TUSC3: variants seen among roughly 807,000 people sequenced by gnomAD.
TUSC3 encodes the protein tumor suppressor candidate 3.
Under a neutral mutation model 44.8 loss-of-function variants are expected in TUSC3, and 45 were observed. That is an observed-to-expected ratio of 1.00 (90% confidence interval 0.79 to 1.29). TUSC3 has a LOEUF of 1.29. Among genes scored for constraint, TUSC3 ranks in the 50% most tolerant of loss-of-function variants. The pLI is 0.00. For missense variants in TUSC3, 519 were observed against 437.9 expected, an observed-to-expected ratio of 1.19 and a Z score of -1.65; for synonymous variants, 212 against 152.9, an observed-to-expected ratio of 1.39 and a Z score of -2.85.
the TUSC3 span, among the ~76,000 whole-genome samples, chr8:15,834,438 G>A: frequency 6.6e-6 from 1 of 152,006 alleles, no homozygotes; most frequent in Non-Finnish European, 1.5e-5. Context: ...TGCCTCCGTG[G>A]GAAGGTGTCT....
At chr8:15,692,276 A>C (rs1463781241) in intron 6 of TUSC3, among the ~76,000 whole-genome samples, 1 of 145,356 alleles carries the variant, frequency 6.9e-6, no homozygotes, top group African/African-American at 2.6e-5. Flanking sequence ...ATATTGGCCT[A>C]CTGTTTTCTT....
At chr8:15,846,669 T>C in the TUSC3 span, among the ~76,000 whole-genome samples, 46 of 151,672 alleles carry the variant, frequency 3.0e-4, no homozygotes, top group African/African-American at 1.1e-3. Flanking sequence ...AGTTGAACAA[T>C]GAGAACACAT....
At chr8:15,530,077 G>T (rs1403417448) in intron 2 of TUSC3, among the ~76,000 whole-genome samples, 1 of 134,790 alleles carries the variant, frequency 7.4e-6, no homozygotes, top group African/African-American at 3.2e-5. Context: ...GAGCCACCGC[G>T]CCCGGCCGAA....
At chr8:15,832,762 G>T in the TUSC3 span, among the ~76,000 whole-genome samples, 2 of 151,728 alleles carry the variant, frequency 1.3e-5, no homozygotes, top group African/African-American at 4.8e-5. Flanking sequence ...ACCCAACACA[G>T]GAGCACCCAC....
the TUSC3 span, among the ~76,000 whole-genome samples, chr8:15,779,982 C>G: frequency 6.6e-6 from 1 of 152,168 alleles, no homozygotes; most frequent in Non-Finnish European, 1.5e-5. Context: ...ACTGAAGATT[C>G]TGGAAAGTGA....
chr8:15,545,860 G>C (rs1801845194), intron 1 of TUSC3, among the ~76,000 whole-genome samples: 1 of 151,752 alleles, frequency 6.6e-6, no homozygotes, highest in Non-Finnish European at 1.5e-5. Flanking sequence ...GACTGCTGTA[G>C]ATTATTTCAG....
rs554668884 is a variant in TUSC3 at position 15,609,629 on chromosome 8, T to A, written c.139-13451T>A. ...GATGACTGTCCCTGATTAAAATGAC[T>A]TCATATTTTGAGTCTTCAGAGAAAG... On this transcript the variant is annotated intron_variant, in intron 1 of 10. Transcript: ENST00000503731. 2.2e-4 allele frequency among the ~76,000 whole-genome samples: 33 copies of A among 152,256 alleles called. No individual in the cohort carries two copies. In the South Asian group the frequency reaches 6.6e-3, roughly 31 times the overall value.
chr8:15,795,243 C>A, the TUSC3 span, among the ~76,000 whole-genome samples: 1 of 152,078 alleles, frequency 6.6e-6, no homozygotes, highest in Non-Finnish European at 1.5e-5. Context: ...CCAAGTATAG[C>A]AGGATGCATT....
intron 1 of TUSC3, among the ~76,000 whole-genome samples, chr8:15,447,837 C>T (rs1585793588): frequency 6.6e-6 from 1 of 150,938 alleles, no homozygotes; most frequent in African/African-American, 2.4e-5. Context: ...ATGCGAGAAC[C>T]CATAAAAACA....
At chr8:15,643,410 G>GTTT (rs10662497) in intron 2 of TUSC3, among the ~76,000 whole-genome samples, 115 of 144,758 alleles carry the variant, frequency 7.9e-4, no homozygotes, top group South Asian at 1.3e-3. Flanking sequence ...ACTGTTAGTT[G>GTTT]TTTTTTTTTT....
At chr8:15,595,000 T>G (rs958762508) in intron 1 of TUSC3, among the ~76,000 whole-genome samples, 6 of 152,096 alleles carry the variant, frequency 3.9e-5, no homozygotes, top group Non-Finnish European at 7.4e-5. Context: ...CGGGGCAATA[T>G]GATACTCTGG....
the TUSC3 span, among the ~76,000 whole-genome samples, chr8:15,817,635 T>C: frequency 1.2e-3 from 177 of 152,270 alleles, no homozygotes; most frequent in African/African-American, 4.0e-3. Context: ...GCTGCCATCA[T>C]GTGAAGAAGG....
intron 6 of TUSC3, among the ~76,000 whole-genome samples, chr8:15,681,275 T>G (rs13439462): frequency 0.04 from 6,072 of 151,870 alleles, 424 homozygotes; most frequent in African/African-American, 0.14. Flanking sequence ...ATATATTTTA[T>G]GGAATTCATC....
At chr8:15,747,839 T>G (rs1811487462) in intron 8 of TUSC3, among the ~76,000 whole-genome samples, 1 of 152,084 alleles carries the variant, frequency 6.6e-6, no homozygotes, top group Admixed American at 6.5e-5. Context: ...AGACCATATT[T>G]TCTCTCTCCA....
rs566078696 is a variant in TUSC3 at position 15,503,709 on chromosome 8, C to CA, written n.189+20233dup. Among the ~76,000 whole-genome samples the CA allele has an allele frequency of 4.9e-3, 745 of 151,570 alleles. 5 individuals carry two copies. Among genetic ancestry groups the CA allele is most frequent in the South Asian group, 8.8e-3 (42 of 4,800 alleles). ...ACAGAGTGAAATCTTGTGTCTTAAA[C>CA]AAAAAAATATCGGCCAGCCACAATG... On this transcript the variant is annotated intron_variant and non_coding_transcript_variant, in intron 2 of 5. Coordinates refer to the TUSC3 transcript ENST00000503191.
At chr8:15,723,982 T>G (rs561875408) in intron 6 of TUSC3, among the ~76,000 whole-genome samples, 3 of 152,262 alleles carry the variant, frequency 2.0e-5, no homozygotes, top group African/African-American at 7.2e-5. Flanking sequence ...TGTTGAAGCC[T>G]TAACCCCGCA....
At chr8:15,745,832 A>C (rs1212537120) in intron 8 of TUSC3, among the ~76,000 whole-genome samples, 2 of 151,096 alleles carry the variant, frequency 1.3e-5, no homozygotes, top group African/African-American at 2.5e-5. Context: ...GCCTTTGGAG[A>C]CTTAGTAAAA....
At chr8:15,815,808 T>C in the TUSC3 span, among the ~76,000 whole-genome samples, 2 of 152,164 alleles carry the variant, frequency 1.3e-5, no homozygotes, top group African/African-American at 4.8e-5. Flanking sequence ...TATCACTAAA[T>C]GTTTTCTAAA....
intron 1 of TUSC3, among the ~76,000 whole-genome samples, chr8:15,579,004 G>C (rs1417309497): frequency 2.0e-5 from 3 of 151,876 alleles, no homozygotes; most frequent in African/African-American, 7.2e-5. Flanking sequence ...TCCTGTTATT[G>C]GTCTATTCAG....
Sources: allele counts gnomAD v4.1 joint callset (sites outside exome capture counted in the v4.1 genomes callset), GRCh38; gene constraint gnomAD v4.1.1; transcripts MANE v1.5; gene names NCBI Gene and HGNC (gene_info 2026-07-23, HGNC 2026-07-21).